The following SCAF8 variants were observed in gnomAD, a reference collection of about 807,000 sequenced individuals.
The protein encoded by SCAF8 is SR-related and CTD-associated factor 8.
Under a neutral mutation model 140.5 loss-of-function variants are expected in SCAF8, and 23 were observed. That is an observed-to-expected ratio of 0.16 (90% confidence interval 0.12 to 0.23). The LOEUF (loss-of-function observed/expected upper bound fraction) is 0.23. Among genes scored for constraint, SCAF8 ranks in the 10% least tolerant of loss-of-function variants. The pLI is 1.00. For missense variants in SCAF8, 1,397 were observed against 1,555.7 expected (o/e 0.90, Z 1.72); for synonymous variants, 575 against 528.9 (o/e 1.09, Z -1.20).
chr6:154,759,154 T>C (rs185851785), intron 1 of SCAF8, among the ~76,000 whole-genome samples: 154 of 152,304 alleles, frequency 1.0e-3, no homozygotes, highest in African/African-American at 3.1e-3. Flanking sequence ...CTTTTTGTCT[T>C]GAGTTGGGGA....
Position 154,800,833 on chromosome 6 carries a change from A to T in SCAF8, c.607-1138A>T, listed in dbSNP as rs1018669929. Among the ~76,000 whole-genome samples, 85 of 151,660 alleles carry T rather than the reference A, an allele frequency of 5.6e-4. 1 individual carries two copies. The highest frequency in any genetic ancestry group is 2.0e-3 in the African/African-American group (83 of 41,526). ...GCTGTATATTAGGTGAAATTATAGA[A>T]TTAGTAATTTTATTTTGTGGTAATA... On this transcript the variant is annotated intron_variant, in intron 6 of 19. Transcript: ENST00000367178.
chr6:154,756,179 A>C (rs964263122), intron 1 of SCAF8, among the ~76,000 whole-genome samples: 1 of 152,212 alleles, frequency 6.6e-6, no homozygotes, highest in African/African-American at 2.4e-5. Context: ...GTACAGTATT[A>C]TTTCTCTGTT....
In SCAF8 at chr6:154,747,964, C is replaced by T. The variant is rs972042295; in HGVS notation, c.30+14034C>T. ...CTAGAAATGCATGTTTGTTTTTCCT[C>T]ATTTAGTGCCATTTTATTTATTGAA... On this transcript the variant is annotated intron_variant, in intron 1 of 19. Transcript: ENST00000367178. Among the ~76,000 whole-genome samples, 11 of 149,316 alleles carry T rather than the reference C, an allele frequency of 7.4e-5. No individual in the cohort carries two copies. In the South Asian group the frequency reaches 8.5e-4, roughly 12 times the overall value.
intron 5 of SCAF8, among the ~76,000 whole-genome samples, 154 bp downstream of exon 5, chr6:154,793,130 T>C (rs960488998): frequency 7.2e-5 from 11 of 152,224 alleles, no homozygotes; most frequent in African/African-American, 2.2e-4. Context: ...AAATTAGATA[T>C]TATGTTTGTG....
In SCAF8 at chr6:154,758,404, A is replaced by T. The variant is rs530608172; in HGVS notation, c.31-15585A>T. Reference sequence around the variant, plus strand: ...AAAGCATTTCTTTTGAGGTGCGCACAGCATACTTTCCACTCCAGTTAGTCT... The same window carrying T: ...AAAGCATTTCTTTTGAGGTGCGCACTGCATACTTTCCACTCCAGTTAGTCT... On this transcript the variant is annotated intron_variant, in intron 1 of 19. Coordinates refer to ENST00000367178, the MANE Select transcript of SCAF8 (RefSeq NM_014892.5). Among the ~76,000 whole-genome samples, 7 of 152,316 alleles carry T rather than the reference A, an allele frequency of 4.6e-5. No individual in the cohort carries two copies. In the South Asian group the frequency reaches 1.4e-3, roughly 32 times the overall value.
chr6:154,796,510 G>A (rs1316094570), intron 6 of SCAF8, among the ~76,000 whole-genome samples: 1 of 151,934 alleles, frequency 6.6e-6, no homozygotes, highest in Non-Finnish European at 1.5e-5. Context: ...GTTTCTATTT[G>A]CACCTCTACT....
At chr6:154,741,223 A>G (rs1419479047) in intron 1 of SCAF8, among the ~76,000 whole-genome samples, 5 of 152,218 alleles carry the variant, frequency 3.3e-5, no homozygotes, top group African/African-American at 7.2e-5. Flanking sequence ...GAGAGACTGC[A>G]TGATTTGAGA....
At chr6:154,796,831 G>T (rs1777622283) in intron 6 of SCAF8, among the ~76,000 whole-genome samples, 1 of 152,102 alleles carries the variant, frequency 6.6e-6, no homozygotes, top group Non-Finnish European at 1.5e-5. Context: ...AATTAGCTAG[G>T]CAGCTTGGCA....
chr6:154,803,498 G>A (rs777995992), intron 7 of SCAF8, 46 bp from the exon 8 acceptor site: 4 of 1,309,916 alleles, frequency 3.1e-6, no homozygotes, highest in East Asian at 4.6e-5. Context: ...ACTTGTATTT[G>A]TGTGAAGCAC....
At chr6:154,805,786 A>G (rs879670496) in intron 9 of SCAF8, among the ~76,000 whole-genome samples, 2 of 152,136 alleles carry the variant, frequency 1.3e-5, no homozygotes, top group Non-Finnish European at 2.9e-5. Context: ...GAAGTAGAGA[A>G]CAGGATGGAG....
At position 154,793,001 on chromosome 6, in the gene SCAF8, T is replaced by C. The variant is rs556084651; in HGVS notation, c.475+25T>C. 6.4e-6 allele frequency: 10 copies of C among 1,572,090 alleles called. No homozygotes were observed. In the African/African-American group the frequency reaches 1.1e-4, roughly 17 times the overall value. ...GGTATGTTGCTTTAATATAGATTTG[T>C]TGTCTAAATATTCTACTCATACTTT... On this transcript the variant is annotated intron_variant, in intron 5 of 19. Coordinates refer to ENST00000367178, the MANE Select transcript of SCAF8 (RefSeq NM_014892.5).
chr6:154,796,389 C>CTCTCTCTCTGTCTCTCTCTGTCTG (rs376622207), intron 6 of SCAF8, among the ~76,000 whole-genome samples: 1 of 140,968 alleles, frequency 7.1e-6, no homozygotes, highest in Admixed American at 7.1e-5. Flanking sequence ...CTCTCTCTCT[C>CTCTCTCTCTGTCTCTCTCTGTCTG]TCTGTCTCTC....
chr6:154,792,409 A>G (rs1777449403), intron 4 of SCAF8, among the ~76,000 whole-genome samples: 1 of 152,212 alleles, frequency 6.6e-6, no homozygotes, highest in South Asian at 2.1e-4. Context: ...CAAGTTACGT[A>G]TTTGTTCAAA....
intron 12 of SCAF8, among the ~76,000 whole-genome samples, chr6:154,810,947 G>A (rs528459736): frequency 8.5e-5 from 13 of 152,266 alleles, no homozygotes; most frequent in South Asian, 8.3e-4. Flanking sequence ...AGACTTCCAC[G>A]TAAATTCCCT....
intron 3 of SCAF8, among the ~76,000 whole-genome samples, chr6:154,782,184 A>G (rs1051349055): frequency 5.3e-5 from 8 of 152,148 alleles, no homozygotes; most frequent in African/African-American, 1.9e-4. Flanking sequence ...GGGAGGGGCC[A>G]AGGCTGGGCT....
intron 4 of SCAF8, among the ~76,000 whole-genome samples, chr6:154,790,579 C>T (rs1476575758): frequency 2.1e-4 from 26 of 121,454 alleles, no homozygotes; most frequent in African/African-American, 6.3e-4. Flanking sequence ...GGTGTAATCT[C>T]GGCTCACTGC....
At chr6:154,758,204 GC>G (rs1323619807) in intron 1 of SCAF8, among the ~76,000 whole-genome samples, 1 of 152,100 alleles carries the variant, frequency 6.6e-6, no homozygotes, top group African/African-American at 2.4e-5. Flanking sequence ...GAGCCACCGT[GC>G]CTGGCCAAGT....
intron 12 of SCAF8, 132 bp downstream of exon 12, chr6:154,810,340 C>A: frequency 1.7e-6 from 1 of 587,692 alleles, no homozygotes. Context: ...AGTAATGTCT[C>A]TGGTTTTTGT....
intron 19 of SCAF8, 42 bp from the exon 20 acceptor site, chr6:154,831,897 T>G (rs1271259121): frequency 3.3e-6 from 5 of 1,523,458 alleles, no homozygotes; most frequent in Non-Finnish European, 4.4e-6. Flanking sequence ...TGGAAACTTT[T>G]GACTGTTATT....
Sources: allele counts gnomAD v4.1 joint callset (sites outside exome capture counted in the v4.1 genomes callset), GRCh38; gene constraint gnomAD v4.1.1; transcripts MANE v1.5; gene names NCBI Gene and HGNC (gene_info 2026-07-23, HGNC 2026-07-21).